The following ARK2N variants were observed in gnomAD, a reference collection of about 807,000 sequenced individuals.
ARK2N encodes protein ARK2N.
At chr18:46,247,203 T>G in the ARK2N span, among the ~76,000 whole-genome samples, 1 of 152,086 alleles carries the variant, frequency 6.6e-6, no homozygotes, top group Non-Finnish European at 1.5e-5. Flanking sequence ...CAGTATAAAA[T>G]TAACAAAAGT....
the ARK2N span, chr18:46,217,256 T>G: frequency 5.9e-5 from 9 of 152,346 alleles, no homozygotes; most frequent in Admixed American, 5.9e-4. Context: ...GGTCTGTAAC[T>G]TATTACATAT....
the ARK2N span, among the ~76,000 whole-genome samples, chr18:46,248,389 G>A: frequency 1.3e-5 from 2 of 152,172 alleles, no homozygotes; most frequent in African/African-American, 2.4e-5. Context: ...TGGGTGGCTG[G>A]AGCAAAGGAA....
the ARK2N span, chr18:46,228,791 A>G: frequency 2.5e-6 from 1 of 398,614 alleles, no homozygotes; most frequent in Non-Finnish European, 4.4e-6. Flanking sequence ...GGCTGGCCTC[A>G]GACGCCTGGG....
chr18:46,264,306 C>T, the ARK2N span: 1 of 152,558 alleles, frequency 6.6e-6, no homozygotes, highest in Non-Finnish European at 1.5e-5. Flanking sequence ...TAGTTACTAC[C>T]TTCTTTCTTA....
the ARK2N span, among the ~76,000 whole-genome samples, chr18:46,229,855 C>T: frequency 2.0e-5 from 3 of 152,288 alleles, no homozygotes; most frequent in East Asian, 3.9e-4. Context: ...CCCCCAGCCT[C>T]GGCCTCCCAA....
chr18:46,250,688 C>CCCCTCTGCTTA, the ARK2N span, among the ~76,000 whole-genome samples: 2 of 152,094 alleles, frequency 1.3e-5, no homozygotes, highest in Admixed American at 6.5e-5. Context: ...GATGACGTCA[C>CCCCTCTGCTTA]CCCTCTGCTT....
the ARK2N span, among the ~76,000 whole-genome samples, chr18:46,222,752 A>T: frequency 6.2e-3 from 940 of 152,262 alleles, 11 homozygotes; most frequent in African/African-American, 0.021. Context: ...AGCAAAATCG[A>T]GCAGAGGAGA....
At chr18:46,209,487 G>A in the ARK2N span, among the ~76,000 whole-genome samples, 1 of 151,884 alleles carries the variant, frequency 6.6e-6, no homozygotes, top group Non-Finnish European at 1.5e-5. Flanking sequence ...AAATTCCATG[G>A]TTTAACTCTT....
chr18:46,229,616 T>G, the ARK2N span, among the ~76,000 whole-genome samples: 9 of 151,756 alleles, frequency 5.9e-5, no homozygotes, highest in South Asian at 1.2e-3. Flanking sequence ...AGTGCTGGTG[T>G]TGTTTTTTTA....
At chr18:46,258,159 CAG>C in the ARK2N span, among the ~76,000 whole-genome samples, 2 of 152,166 alleles carry the variant, frequency 1.3e-5, no homozygotes, top group Non-Finnish European at 2.9e-5. Flanking sequence ...CTCCTGAGCT[CAG>C]ACGATCTGCC....
chr18:46,184,588 G>A, the ARK2N span, among the ~76,000 whole-genome samples: 2 of 152,172 alleles, frequency 1.3e-5, no homozygotes, highest in Non-Finnish European at 2.9e-5. Flanking sequence ...CTGGCTTGGT[G>A]GCATGCGGCT....
chr18:46,238,587 T>A, the ARK2N span, among the ~76,000 whole-genome samples: 1 of 152,232 alleles, frequency 6.6e-6, no homozygotes, highest in Non-Finnish European at 1.5e-5. Flanking sequence ...ATCTGGAAAT[T>A]ATTTTTAAGT....
the ARK2N span, among the ~76,000 whole-genome samples, chr18:46,191,837 C>G: frequency 6.6e-6 from 1 of 152,214 alleles, no homozygotes; most frequent in African/African-American, 2.4e-5. Context: ...TCCCTTCCCC[C>G]ACCCTCTGGC....
At chr18:46,214,779 G>T in the ARK2N span, among the ~76,000 whole-genome samples, 15 of 152,244 alleles carry the variant, frequency 9.9e-5, no homozygotes, top group East Asian at 2.9e-3. Context: ...TAGGCTTTCT[G>T]GGTTCTGTAT....
the ARK2N span, among the ~76,000 whole-genome samples, chr18:46,195,136 A>G: frequency 6.6e-6 from 1 of 151,954 alleles, no homozygotes; most frequent in Non-Finnish European, 1.5e-5. Context: ...AAATATACAC[A>G]GAGATGTGTA....
chr18:46,187,364 C>T, the ARK2N span, among the ~76,000 whole-genome samples: 10 of 145,774 alleles, frequency 6.9e-5, no homozygotes, highest in East Asian at 1.7e-3. Flanking sequence ...TTTTTTGAGA[C>T]GGAGTCTTGC....
At chr18:46,235,580 G>T in the ARK2N span, among the ~76,000 whole-genome samples, 2 of 152,232 alleles carry the variant, frequency 1.3e-5, no homozygotes. Flanking sequence ...CAGGGTCTAT[G>T]TAGCTAAGAG....
chr18:46,232,200 G>C, the ARK2N span: 1 of 152,046 alleles, frequency 6.6e-6, no homozygotes, highest in African/African-American at 2.4e-5. Flanking sequence ...TTGCCTAAAG[G>C]TATACAGTTA....
chr18:46,204,940 T>A, the ARK2N span, among the ~76,000 whole-genome samples: 93,296 of 146,384 alleles, frequency 0.64, 30,110 homozygotes, highest in Non-Finnish European at 0.72. Context: ...TTTTTTTTTT[T>A]ATTTTTTTTA....
Sources: allele counts gnomAD v4.1 joint callset (sites outside exome capture counted in the v4.1 genomes callset), GRCh38; gene constraint gnomAD v4.1.1; transcripts MANE v1.5; gene names NCBI Gene and HGNC (gene_info 2026-07-23, HGNC 2026-07-21).